The following DNAH1 variants were observed in gnomAD, a reference collection of about 807,000 sequenced individuals.
The protein encoded by DNAH1 is dynein axonemal heavy chain 1.
A neutral mutation model predicts 484.3 loss-of-function variants in DNAH1; 327 were observed. That is an observed-to-expected ratio of 0.68 (90% CI 0.62 to 0.74). The LOEUF is 0.74. DNAH1 is among the 30% of genes least tolerant of loss of function. DNAH1 has a pLI of 0.00. For synonymous variants in DNAH1, 2,192 were observed against 2,191.9 expected, an observed-to-expected ratio of 1.00 and a Z score of 0.00; for missense variants, 5,052 against 5,546.8, an observed-to-expected ratio of 0.91 and a Z score of 2.83.
intron 51 of DNAH1, 33 bp from the exon 52 acceptor site, chr3:52,383,827 C>T (rs774945128): frequency 2.1e-5 from 33 of 1,562,524 alleles, no homozygotes; most frequent in Non-Finnish European, 2.8e-5. Flanking sequence ...TGGTCAGTGT[C>T]TCTGGACCTC....
At position 52,395,679 on chromosome 3, in the gene DNAH1, G is replaced by T. The variant is rs1438045992; in HGVS notation, c.11259+1G>T. ...CATCGAGCACATCAACCCCGACAAG[G>T]TGTGTTGCCCTGCCCATCACAGACC... On this transcript the variant is annotated splice_donor_variant, in intron 70 of 77. Transcript: ENST00000420323. LOFTEE classifies it high-confidence loss of function. The surrounding 1 kb of genome is among the most constrained non-coding windows in gnomAD (Gnocchi z 4.4). 1 of 1,612,872 alleles carries T rather than the reference G, an allele frequency of 6.2e-7. No individual in the cohort carries two copies. Among genetic ancestry groups the T allele is most frequent in the Non-Finnish European group, 8.5e-7 (1 of 1,179,516 alleles).
chr3:52,332,360 G>A lies in DNAH1; in HGVS notation c.1252G>A (p.Ala418Thr). 1.2e-6 allele frequency: 2 copies of A among 1,613,858 alleles called. No homozygotes were observed. ...GAGCCTGAGCAAGATCAAGCAGTGG[G>A]CCCTGAGCACGCCTCGGATGCGCAA... ...EQSLSKIKQWALSTPRMRKGP... is the reference protein window; with the variant it reads ...EQSLSKIKQWTLSTPRMRKGP... The change falls in exon 8 of 78, where the codon GCC becomes ACC. Residue 418 changes from alanine to threonine, a missense_variant. Ala to Thr is a moderately conservative substitution (Grantham distance 58). Around this residue, in one of 4 missense-constraint regions of DNAH1, gnomAD observed 1,263 missense variants for 1,218.8 expected, o/e 1.04. Coordinates refer to ENST00000420323, the MANE Select transcript of DNAH1 (RefSeq NM_015512.5).
chr3:52,374,960 A>C, intron 44 of DNAH1: 2 of 271,688 alleles, frequency 7.4e-6, no homozygotes. Flanking sequence ...CTATGTCTTC[A>C]CCATGGGGGC....
rs1360391376 is a variant in DNAH1, at chr3:52,349,023, G to A, written c.2242G>A (p.Ala748Thr). 8 of 1,612,906 alleles carry A rather than the reference G, an allele frequency of 5.0e-6. No individual in the cohort carries two copies. Among genetic ancestry groups the A allele is most frequent in the African/African-American group, 4.0e-5 (3 of 74,940 alleles). The change falls in exon 13 of 78, where the codon GCC (alanine) becomes ACC (threonine). Residue 748 changes from alanine to threonine, a missense_variant. Ala to Thr is a moderately conservative substitution (Grantham distance 58). Around this residue, in one of 4 missense-constraint regions of DNAH1, gnomAD observed 1,263 missense variants for 1,218.8 expected, o/e 1.04. Transcript: ENST00000420323. ...GGCCATGATCCCACTGCAGGCCTACGCCAAGGAGTACCGAAAGTACCTGGA... is the reference window on the plus strand; with the variant it reads ...GGCCATGATCCCACTGCAGGCCTACACCAAGGAGTACCGAAAGTACCTGGA... ...SKAMIPLQAY[A>T]KEYRKYLELN...
At position 52,400,311 on chromosome 3, in the gene DNAH1, C is replaced by T. The variant is rs767342818; in HGVS notation, c.12677-14C>T. 2 of 1,613,878 alleles carry T rather than the reference C, an allele frequency of 1.2e-6. No individual in the cohort carries two copies. Among genetic ancestry groups the T allele is most frequent in the South Asian group, 1.1e-5 (1 of 91,078 alleles). ...GGGCATGACCTAACCCGTCCCCCTC[C>T]TTGCCCATTCCAGGAACACTATCAA... On this transcript the variant is annotated splice_polypyrimidine_tract_variant and intron_variant, in intron 77 of 77. Coordinates refer to ENST00000420323, the MANE Select transcript of DNAH1 (RefSeq NM_015512.5).
rs1703842793 is a variant in DNAH1, at chr3:52,381,539, T to C, written c.7609-101T>C. 3 of 1,179,000 alleles carry C rather than the reference T, an allele frequency of 2.5e-6. No individual in the cohort carries two copies. In the African/African-American group the frequency reaches 4.6e-5, roughly 18 times the overall value. 73.0% of individuals were successfully genotyped at this position (1,179,000 alleles called of 1,614,324 possible). A position where few individuals can be genotyped will look rare whatever the true frequency, so the allele number is the denominator to read the frequency against. On this transcript the variant is annotated intron_variant, in intron 48 of 77. Transcript: ENST00000420323. The surrounding 1 kb of genome is among the most constrained non-coding windows in gnomAD (Gnocchi z 4.1). ...TCACAGGTGGTCAAGGCACCTGTGC[T>C]TCTCAGTCAGGACAGAGAAGAAAGC...
At chr3:52,329,757 G>A (rs1016912531) in intron 6 of DNAH1, among the ~76,000 whole-genome samples, 2 of 151,934 alleles carry the variant, frequency 1.3e-5, no homozygotes, top group African/African-American at 2.4e-5. Context: ...CCTGGAAAGC[G>A]GAGGTTGGAG....
chr3:52,322,763 A>G lies in DNAH1; in HGVS notation c.321A>G (p.Leu107=). The G allele has an allele frequency of 6.2e-7, 1 of 1,603,524 alleles. No homozygotes were observed. The highest frequency in any genetic ancestry group is 8.5e-7 in the Non-Finnish European group (1 of 1,174,974). The change falls in exon 2 of 78, where the codon TTA becomes TTG. Residue 107 remains leucine, a synonymous_variant. Coordinates refer to ENST00000420323, the MANE Select transcript of DNAH1 (RefSeq NM_015512.5). ...FYSDILSPGT[L]DQLGEVCRGP... ...CCGACATCCTCAGCCCTGGAACCTTAGATCAACTTGGGGTGAGTATGGCAG... is the reference window on the plus strand; with the variant it reads ...CCGACATCCTCAGCCCTGGAACCTTGGATCAACTTGGGGTGAGTATGGCAG...
chr3:52,332,028 G>A lies in DNAH1; in HGVS notation c.1034-114G>A, dbSNP rs34762015. On this transcript the variant is annotated intron_variant, in intron 7 of 77. Coordinates refer to ENST00000420323, the MANE Select transcript of DNAH1 (RefSeq NM_015512.5). ...CAGATGCAACAGGGGGTCAGAAGAGGGAAACAATTTGTTCAGGGCCACTGG... is the reference window on the plus strand; with the variant it reads ...CAGATGCAACAGGGGGTCAGAAGAGAGAAACAATTTGTTCAGGGCCACTGG... 228,397 of 1,345,004 alleles carry A rather than the reference G, an allele frequency of 0.17. 21,411 individuals carry two copies. The highest frequency in any genetic ancestry group is 0.31 in the African/African-American group (21,539 of 68,776). The allele number at this position is 1,345,004 out of a possible 1,614,324, so 83.3% of individuals were successfully genotyped here.
Position 52,380,060 on chromosome 3 carries a change from G to T in DNAH1, c.7533G>T (p.Gln2511His). 6.2e-7 allele frequency: 1 copy of T among 1,604,964 alleles called. No individual in the cohort carries two copies. The highest frequency in any genetic ancestry group is 1.3e-5 in the African/African-American group (1 of 74,868). ...EVTFNKVCPF[Q>H]PILYGDFMSP... Reference sequence around the variant, plus strand: ...CCTTCAACAAGGTCTGCCCCTTCCAGCCCATTCTTTACGGGGACTTCATGT... The same window carrying T: ...CCTTCAACAAGGTCTGCCCCTTCCATCCCATTCTTTACGGGGACTTCATGT... The change falls in exon 48 of 78, where the codon CAG becomes CAT. Residue 2511 changes from glutamine to histidine, a missense_variant. Around this residue, in one of 4 missense-constraint regions of DNAH1, gnomAD observed 2,929 missense variants for 3,409.4 expected, o/e 0.86. Transcript: ENST00000420323.
intron 44 of DNAH1, chr3:52,374,593 G>T: frequency 6.7e-7 from 1 of 1,500,528 alleles, no homozygotes; most frequent in Non-Finnish European, 9.3e-7. Flanking sequence ...GTGGCAGAGC[G>T]AGCTCTCTAT....
Position 52,399,576 on chromosome 3 carries a change from A to G in DNAH1, c.12473A>G (p.Gln4158Arg), listed in dbSNP as rs1183030965. The G allele has an allele frequency of 1.2e-6, 2 of 1,613,332 alleles. No homozygotes were observed. Among genetic ancestry groups the G allele is most frequent in the Admixed American group, 1.7e-5 (1 of 59,968 alleles). ...VMFEAPSELTQRPQVGCYIHG... is the reference protein window; with the variant it reads ...VMFEAPSELTRRPQVGCYIHG... ...TTTGAGGCACCATCAGAGTTAACAC[A>G]AAGACCCCAAGTAGGGTGCTATATC... Residue 4158 changes from glutamine to arginine, a missense_variant, in exon 77 of 78, where the codon CAA (glutamine) becomes CGA (arginine). By Grantham distance (43) the Gln-to-Arg change is conservative (BLOSUM62 1). Transcript: ENST00000420323.
chr3:52,385,567 A>G, intron 54 of DNAH1, 120 bp downstream of exon 54: 1 of 755,702 alleles, frequency 1.3e-6, no homozygotes, highest in Non-Finnish European at 2.2e-6. Flanking sequence ...CGTGTGCCCC[A>G]GCTTCCTCAA....
chr3:52,388,901 G>A lies in DNAH1; in HGVS notation c.9459G>A (p.Val3153=). The A allele has an allele frequency of 1.2e-6, 2 of 1,611,984 alleles. No homozygotes were observed. The highest frequency in any genetic ancestry group is 1.7e-6 in the Non-Finnish European group (2 of 1,178,574). The change falls in exon 59 of 78, where the codon GTG becomes GTA. Residue 3153 remains valine (V), a synonymous_variant. Transcript: ENST00000420323. The part of the protein sequence containing the change: ...MLNNISGDVL[V]AAGFVAYLGP... ...ACAACATCTCCGGCGATGTCCTGGT[G>A]GCCGCTGGCTTTGTGGCCTACCTGG...
chr3:52,359,209 G>T, intron 25 of DNAH1, 37 bp from the exon 26 acceptor site: 1 of 1,551,822 alleles, frequency 6.4e-7, no homozygotes, highest in Non-Finnish European at 8.7e-7. Context: ...TTGGGGCTGC[G>T]GCTGTCCAGG....
At chr3:52,340,307 C>T (rs1204416182) in intron 8 of DNAH1, among the ~76,000 whole-genome samples, 1 of 151,972 alleles carries the variant, frequency 6.6e-6, no homozygotes, top group Non-Finnish European at 1.5e-5. Flanking sequence ...GTCTCGAATT[C>T]CTGGGCTCAA....
rs76171614 is a variant in DNAH1, at chr3:52,384,989, C to T, written c.8514+12C>T. 10 of 1,607,454 alleles carry T rather than the reference C, an allele frequency of 6.2e-6. No individual in the cohort carries two copies. The highest frequency in any genetic ancestry group is 2.2e-5 in the East Asian group (1 of 44,770). ...GCGGCCTCGACAAGGTGGGCCCAGG[C>T]GAGTCCCCGTGGACAAGGTCAGCTG... On this transcript the variant is annotated intron_variant, in intron 53 of 77. Coordinates refer to ENST00000420323, the MANE Select transcript of DNAH1 (RefSeq NM_015512.5).
rs1703201687 is a variant in DNAH1 at position 52,368,932 on chromosome 3, T to C, written c.5943+14T>C. On this transcript the variant is annotated intron_variant, in intron 37 of 77. Coordinates refer to ENST00000420323, the MANE Select transcript of DNAH1 (RefSeq NM_015512.5). This position sits in a 1 kb window ranked among gnomAD's most constrained non-coding sequence, Gnocchi z 4.4. ...AAGCTCACAGAGGTGCACCTACCTG[T>C]CCACCTGCCCACTCTCCTCCAAGGC... The C allele has an allele frequency of 6.2e-7, 1 of 1,607,854 alleles. No homozygotes were observed. Among genetic ancestry groups the C allele is most frequent in the Admixed American group, 1.7e-5 (1 of 59,888 alleles).
In DNAH1 at chr3:52,324,766, G is replaced by A. The variant is rs542306312; in HGVS notation, c.406+886G>A. ...CTAACCGCAGATCTCAGCACTGGGG[G>A]TATTGGGAATGGTGCTCCTGCCACA... On this transcript the variant is annotated intron_variant, in intron 3 of 77. Transcript: ENST00000420323. Among the ~76,000 whole-genome samples the A allele has an allele frequency of 9.7e-4, 147 of 152,272 alleles. 1 individual carries two copies. The highest frequency in any genetic ancestry group is 3.4e-3 in the African/African-American group (141 of 41,548).
Sources: allele counts gnomAD v4.1 joint callset (sites outside exome capture counted in the v4.1 genomes callset), GRCh38; gene constraint gnomAD v4.1.1; regional missense constraint gnomAD v4.1.1; non-coding constraint Gnocchi (gnomAD v3.1); transcripts MANE v1.5; gene names NCBI Gene and HGNC (gene_info 2026-07-23, HGNC 2026-07-21).